The following SYT9 variants were observed in gnomAD, a reference collection of about 807,000 sequenced individuals.
SYT9 encodes synaptotagmin 9.
Under a neutral mutation model 48.4 loss-of-function variants are expected in SYT9, and 22 were observed. The ratio of observed to expected loss-of-function variants is 0.45; its 90% CI spans 0.32 to 0.65. The LOEUF is 0.65. Among genes scored for constraint, SYT9 ranks in the 30% least tolerant of loss-of-function variants. SYT9 has a pLI of 0.03. For synonymous variants in SYT9, 265 were observed against 245.0 expected, an observed-to-expected ratio of 1.08 and a Z score of -0.76; for missense variants, 577 against 622.0, an observed-to-expected ratio of 0.93 and a Z score of 0.77.
chr11:7,370,999 T>C (rs552114480), intron 3 of SYT9, among the ~76,000 whole-genome samples: 31 of 152,316 alleles, frequency 2.0e-4, no homozygotes, highest in Non-Finnish European at 3.4e-4. Flanking sequence ...GAGATACTTA[T>C]GTACCAACAT....
At chr11:7,465,443 T>C (rs1032798215) in intron 6 of SYT9, among the ~76,000 whole-genome samples, 1 of 152,238 alleles carries the variant, frequency 6.6e-6, no homozygotes, top group African/African-American at 2.4e-5. Flanking sequence ...ATTTTGTTAT[T>C]CCTATATCCA....
chr11:7,379,578 TGAA>T (rs1457109722), intron 3 of SYT9, among the ~76,000 whole-genome samples: 1 of 152,148 alleles, frequency 6.6e-6, no homozygotes, highest in Non-Finnish European at 1.5e-5. Flanking sequence ...ATTGGAATCA[TGAA>T]GAAGTTTAGT....
intron 3 of SYT9, among the ~76,000 whole-genome samples, chr11:7,319,183 C>T (rs368333046): frequency 5.1e-4 from 45 of 88,608 alleles, no homozygotes; most frequent in South Asian, 1.5e-3. Context: ...TTTTTCTTTT[C>T]TTCTTTTTCT....
chr11:7,369,794 A>ACAAACACACAC (rs1564879645), intron 3 of SYT9, among the ~76,000 whole-genome samples: 4 of 143,986 alleles, frequency 2.8e-5, no homozygotes, highest in South Asian at 2.3e-4. Flanking sequence ...CACACACACA[A>ACAAACACACAC]ACACACACAC....
At chr11:7,307,818 A>G (rs1589931896) in intron 2 of SYT9, among the ~76,000 whole-genome samples, 2 of 152,262 alleles carry the variant, frequency 1.3e-5, no homozygotes, top group Non-Finnish European at 2.9e-5. Context: ...TTTGGTGAAC[A>G]AAGGCTCATC....
chr11:7,414,724 C>T (rs930978760), intron 3 of SYT9, among the ~76,000 whole-genome samples: 4 of 152,224 alleles, frequency 2.6e-5, no homozygotes, highest in Middle Eastern at 3.4e-3. Flanking sequence ...GCCTTAGTGA[C>T]CAAAGAGATC....
At chr11:7,247,962 T>A (rs894390462), upstream of SYT9, among the ~76,000 whole-genome samples, 4 of 152,142 alleles carry the variant, frequency 2.6e-5, no homozygotes, top group Non-Finnish European at 5.9e-5. Flanking sequence ...GAATTGTTCC[T>A]TGTTCACTGC....
chr11:7,273,402 G>T (rs1848331360), intron 1 of SYT9, among the ~76,000 whole-genome samples: 2 of 151,464 alleles, frequency 1.3e-5, no homozygotes, highest in Non-Finnish European at 2.9e-5. Flanking sequence ...ACATTTTGAT[G>T]GGCATAGTTA....
At chr11:7,323,584 C>T (rs894992264) in intron 3 of SYT9, among the ~76,000 whole-genome samples, 23 of 152,050 alleles carry the variant, frequency 1.5e-4, no homozygotes, top group African/African-American at 4.8e-4. Flanking sequence ...AGGACATTGG[C>T]TATAGACTTT....
At chr11:7,390,162 G>A (rs1166503613) in intron 3 of SYT9, among the ~76,000 whole-genome samples, 1 of 152,054 alleles carries the variant, frequency 6.6e-6, no homozygotes, top group East Asian at 1.9e-4. Context: ...AGGCCCCAGT[G>A]TGTGATGTTC....
At chr11:7,366,764 G>A (rs190205500) in intron 3 of SYT9, among the ~76,000 whole-genome samples, 1 of 151,914 alleles carries the variant, frequency 6.6e-6, no homozygotes, top group Admixed American at 6.6e-5. Context: ...GAAATTTGGG[G>A]CCAAATGTTA....
At chr11:7,425,434 G>T (rs370823472) in intron 6 of SYT9, among the ~76,000 whole-genome samples, 3 of 152,166 alleles carry the variant, frequency 2.0e-5, no homozygotes, top group Non-Finnish European at 4.4e-5. Context: ...AGAGCATGGG[G>T]TGACTGGGAA....
In SYT9 at chr11:7,467,126, C is replaced by T. The variant is rs1271310563; in HGVS notation, c.*326C>T. 2 of 316,624 alleles carry T rather than the reference C, an allele frequency of 6.3e-6. No individual in the cohort carries two copies. The highest frequency in any genetic ancestry group is 1.1e-4 in the East Asian group (2 of 18,630). The allele number at this position is 316,624 out of a possible 1,614,324, so 19.6% of individuals were successfully genotyped here. ...CAGGACTCAATGTTTCATATGAAGCCCTTGGTGATGAGGACATAGCATCTG... is the reference window on the plus strand; with the variant it reads ...CAGGACTCAATGTTTCATATGAAGCTCTTGGTGATGAGGACATAGCATCTG... On this transcript the variant is annotated 3_prime_UTR_variant, in exon 7 of 7. Coordinates refer to ENST00000318881, the MANE Select transcript of SYT9 (RefSeq NM_175733.4).
intron 3 of SYT9, among the ~76,000 whole-genome samples, chr11:7,360,309 G>C (rs544028810): frequency 9.0e-4 from 137 of 152,142 alleles, no homozygotes; most frequent in Middle Eastern, 3.4e-3. Flanking sequence ...TTGTTCTTTT[G>C]GCTTAGGATT....
intron 3 of SYT9, among the ~76,000 whole-genome samples, chr11:7,349,233 A>T (rs930541298): frequency 3.3e-5 from 5 of 152,202 alleles, no homozygotes; most frequent in African/African-American, 1.2e-4. Flanking sequence ...CAGAGTGTCT[A>T]GTTGGGGTGA....
At chr11:7,261,341 A>G (rs1005817740) in intron 1 of SYT9, among the ~76,000 whole-genome samples, 3 of 152,158 alleles carry the variant, frequency 2.0e-5, no homozygotes, top group African/African-American at 4.8e-5. Flanking sequence ...GAGACAGGAT[A>G]AACATTGATT....
At chr11:7,333,706 G>A (rs912457506) in intron 3 of SYT9, among the ~76,000 whole-genome samples, 11 of 152,198 alleles carry the variant, frequency 7.2e-5, no homozygotes, top group African/African-American at 2.7e-4. Flanking sequence ...TTGCATGAGT[G>A]GGCTGAGAAA....
At chr11:7,277,517 AT>A (rs375213456) in intron 1 of SYT9, among the ~76,000 whole-genome samples, 2,511 of 152,022 alleles carry the variant, frequency 0.017, 25 homozygotes, top group Middle Eastern at 0.038. Flanking sequence ...GATTACATCC[AT>A]TTTTTTTTGT....
intron 1 of SYT9, among the ~76,000 whole-genome samples, chr11:7,294,804 A>G (rs917810060): frequency 1.3e-5 from 2 of 152,186 alleles, no homozygotes; most frequent in African/African-American, 2.4e-5. Flanking sequence ...CATTTGGCCT[A>G]TTGAAAGGAA....
Sources: gnomAD v4.1 joint callset for allele counts (sites outside exome capture counted in the v4.1 genomes callset) on GRCh38, gnomAD v4.1.1 for gene constraint, MANE v1.5 for transcripts, NCBI Gene and HGNC (gene_info 2026-07-23, HGNC 2026-07-21) for gene names.